PAX3: variants seen among roughly 807,000 people sequenced by gnomAD.
PAX3 encodes paired box 3.
In PAX3, 14 loss-of-function variants were observed where a neutral mutation model predicts 51.6. The observed-to-expected ratio is 0.27, with a 90% CI of 0.18 to 0.42. PAX3 has a LOEUF of 0.42. Ranked by LOEUF, PAX3 falls within the 10% of genes least tolerant of loss-of-function variation. The pLI, the probability that PAX3 is intolerant of heterozygous loss-of-function variation, is 1.00. For synonymous variants in PAX3, 280 were observed against 253.4 expected, an observed-to-expected ratio of 1.11 and a Z score of -1.00; for missense variants, 540 against 642.8, an observed-to-expected ratio of 0.84 and a Z score of 1.73.
intron 4 of PAX3, among the ~76,000 whole-genome samples, chr2:222,285,812 C>T (rs1462443825): frequency 6.6e-6 from 1 of 152,152 alleles, no homozygotes; most frequent in Non-Finnish European, 1.5e-5. Flanking sequence ...TAAAACTATA[C>T]TACTTAAATT....
intron 4 of PAX3, among the ~76,000 whole-genome samples, chr2:222,254,583 TAC>T (rs1693565086): frequency 6.6e-6 from 1 of 152,146 alleles, no homozygotes; most frequent in East Asian, 1.9e-4. Context: ...GTGTCATAAT[TAC>T]TTAGGATGCA....
At chr2:222,247,614 A>C (rs1158882603) in intron 4 of PAX3, among the ~76,000 whole-genome samples, 1 of 152,044 alleles carries the variant, frequency 6.6e-6, no homozygotes, top group Non-Finnish European at 1.5e-5. Context: ...TTGAGTTCTA[A>C]ATTCTGGCTT....
intron 7 of PAX3, among the ~76,000 whole-genome samples, chr2:222,206,946 T>G (rs897633676): frequency 1.3e-5 from 2 of 152,138 alleles, no homozygotes; most frequent in East Asian, 3.9e-4. Context: ...TTCTTGTTCT[T>G]AAGTAGTCAG....
intron 5 of PAX3, among the ~76,000 whole-genome samples, chr2:222,226,441 T>A (rs1461388710): frequency 6.6e-6 from 1 of 152,080 alleles, no homozygotes; most frequent in African/African-American, 2.4e-5. Flanking sequence ...CATGCTCCCA[T>A]GCATGTGAAA....
intron 4 of PAX3, among the ~76,000 whole-genome samples, chr2:222,244,508 A>G (rs1042311360): frequency 1.3e-5 from 2 of 152,184 alleles, no homozygotes; most frequent in Admixed American, 1.3e-4. Context: ...AGCAAATGTT[A>G]TCCCCTCTGC....
At chr2:222,214,437 T>A (rs1315020229) in intron 7 of PAX3, 1 of 152,126 alleles carries the variant, frequency 6.6e-6, no homozygotes, top group Non-Finnish European at 1.5e-5. Context: ...AGCAACTGGA[T>A]GGGTGGTAGA....
At chr2:222,213,000 G>T (rs1027882349) in intron 7 of PAX3, among the ~76,000 whole-genome samples, 1 of 152,132 alleles carries the variant, frequency 6.6e-6, no homozygotes, top group Non-Finnish European at 1.5e-5. Flanking sequence ...AAAACACGAG[G>T]TTGTTGCATT....
chr2:222,276,131 G>A (rs1694412608), intron 4 of PAX3, among the ~76,000 whole-genome samples: 1 of 152,152 alleles, frequency 6.6e-6, no homozygotes, highest in Non-Finnish European at 1.5e-5. Context: ...ACGAAAGAGG[G>A]AATGTCACCC....
At chr2:222,246,169 T>A (rs962616115) in intron 4 of PAX3, among the ~76,000 whole-genome samples, 1 of 152,196 alleles carries the variant, frequency 6.6e-6, no homozygotes, top group Admixed American at 6.5e-5. Context: ...AGGCTGAGGA[T>A]CTGACAATGT....
Position 222,280,426 on chromosome 2 carries a change from A to G in PAX3, c.586+13741T>C, listed in dbSNP as rs571158322. Among the ~76,000 whole-genome samples, 7 of 151,430 alleles carry G rather than the reference A, an allele frequency of 4.6e-5. 1 individual carries two copies. Among genetic ancestry groups the G allele is most frequent in the Middle Eastern group, 6.3e-3 (2 of 316 alleles). ...AGAAAGAAAGAAAAAAGAAAGAAAGAAAGGAAGGAAGGAAGGAAGAAAGAA... is the reference window on the plus strand; with the variant it reads ...AGAAAGAAAGAAAAAAGAAAGAAAGGAAGGAAGGAAGGAAGGAAGAAAGAA... On this transcript the variant is annotated intron_variant, in intron 4 of 8. Transcript: ENST00000392070.
At chr2:222,232,790 C>A (rs2106096257) in intron 4 of PAX3, among the ~76,000 whole-genome samples, 1 of 152,130 alleles carries the variant, frequency 6.6e-6, no homozygotes, top group African/African-American at 2.4e-5. Context: ...TAAAAATATT[C>A]CAAACTTGAC....
At position 222,260,752 on chromosome 2, in the gene PAX3, G is replaced by A. The variant is rs573354346; in HGVS notation, c.587-28469C>T. Among the ~76,000 whole-genome samples, 76 of 151,524 alleles carry A rather than the reference G, an allele frequency of 5.0e-4. 1 individual carries two copies. The highest frequency in any genetic ancestry group is 1.8e-3 in the African/African-American group (73 of 41,312). Reference sequence around the variant, plus strand: ...ATTACAGGTGTGAACCCCCATGCCCGGCTAATTTTTCTATTTTTAGTAGAG... The same window carrying A: ...ATTACAGGTGTGAACCCCCATGCCCAGCTAATTTTTCTATTTTTAGTAGAG... On this transcript the variant is annotated intron_variant, in intron 4 of 8. Transcript: ENST00000392070.
At chr2:222,210,636 A>G (rs1691689615) in intron 7 of PAX3, among the ~76,000 whole-genome samples, 1 of 152,274 alleles carries the variant, frequency 6.6e-6, no homozygotes, top group Admixed American at 6.5e-5. Context: ...GAATTTCTCA[A>G]ATAAATTGAT....
intron 4 of PAX3, among the ~76,000 whole-genome samples, chr2:222,275,171 A>G (rs1024258851): frequency 3.3e-5 from 5 of 152,194 alleles, no homozygotes; most frequent in African/African-American, 9.6e-5. Context: ...AAAAATAGAG[A>G]CAAACTCATA....
chr2:222,271,903 C>G (rs1694265082), intron 4 of PAX3, among the ~76,000 whole-genome samples: 1 of 152,166 alleles, frequency 6.6e-6, no homozygotes, highest in South Asian at 2.1e-4. Flanking sequence ...AAAAATGCAA[C>G]AAGAAAGGTG....
intron 2 of PAX3, among the ~76,000 whole-genome samples, chr2:222,296,429 G>T (rs986584534): frequency 1.3e-5 from 2 of 152,118 alleles, no homozygotes; most frequent in Admixed American, 1.3e-4. Context: ...ATAATTTAAG[G>T]ATAGCACCAA....
chr2:222,275,894 TG>T (rs1291427685), intron 4 of PAX3, among the ~76,000 whole-genome samples: 1 of 152,238 alleles, frequency 6.6e-6, no homozygotes, highest in African/African-American at 2.4e-5. Flanking sequence ...TATATGTGTG[TG>T]TTTTAGTTAA....
At chr2:222,241,250 CAA>C (rs1247696792) in intron 4 of PAX3, among the ~76,000 whole-genome samples, 1 of 152,098 alleles carries the variant, frequency 6.6e-6, no homozygotes, top group East Asian at 1.9e-4. Flanking sequence ...TTACAATTGC[CAA>C]GAGAGAGGCC....
intron 4 of PAX3, among the ~76,000 whole-genome samples, chr2:222,274,464 C>T (rs1694352297): frequency 6.6e-6 from 1 of 151,442 alleles, no homozygotes; most frequent in Admixed American, 6.6e-5. Context: ...GTAGAGTTAA[C>T]GTTCTTCCTA....
Sources: gnomAD v4.1 joint callset for allele counts (sites outside exome capture counted in the v4.1 genomes callset) on GRCh38, gnomAD v4.1.1 for gene constraint, MANE v1.5 for transcripts, NCBI Gene and HGNC (gene_info 2026-07-23, HGNC 2026-07-21) for gene names.